Variants in LIN28B observed in about 807,000 individuals in gnomAD.
LIN28B encodes the protein lin-28 RNA binding posttranscriptional regulator B.
Under a neutral mutation model 21.9 loss-of-function variants are expected in LIN28B, and 5 were observed. The observed-to-expected ratio is 0.23, with a 90% CI of 0.12 to 0.48. LIN28B has a LOEUF of 0.48. Ranked by LOEUF, LIN28B falls within the 20% of genes least tolerant of loss-of-function variation. LIN28B has a pLI of 0.98. For synonymous variants in LIN28B, 109 were observed against 111.3 expected (o/e 0.98, Z 0.13); for missense variants, 245 against 310.5 (o/e 0.79, Z 1.58).
rs1772501671 is a variant in LIN28B at position 105,079,616 on chromosome 6, A to AT, written c.*837dup. 6.6e-6 allele frequency: 1 copy of AT among 152,600 alleles called. No homozygotes were observed. The highest frequency in any genetic ancestry group is 1.5e-5 in the Non-Finnish European group (1 of 68,044). 9.5% of individuals were successfully genotyped at this position (152,600 alleles called of 1,614,324 possible). On this transcript the variant is annotated 3_prime_UTR_variant, in exon 4 of 4. Coordinates refer to ENST00000345080, the MANE Select transcript of LIN28B (RefSeq NM_001004317.4). ...ATCTTAGTGGCTTGTTTTCAGTAGT[A>AT]TTTTAATATCAGCTTCTTGTAACCT... is the stretch of plus-strand genomic sequence containing the variant.
chr6:105,080,657 A>AAG lies in LIN28B; in HGVS notation c.*1874_*1875insAG, dbSNP rs1772527765. ...CTGTAGAGAAGTACTTCCTTGCCTT[A>AAG]TGTGAGGATTTCAAACTTATTTAAA... On this transcript the variant is annotated 3_prime_UTR_variant, in exon 4 of 4. Coordinates refer to ENST00000345080, the MANE Select transcript of LIN28B (RefSeq NM_001004317.4). 6.6e-6 allele frequency: 1 copy of AAG among 152,652 alleles called. No homozygotes were observed. The allele number at this position is 152,652 out of a possible 1,614,324, so 9.5% of individuals were successfully genotyped here. A position where few individuals can be genotyped will look rare whatever the true frequency, so the allele number is the denominator to read the frequency against.
chr6:105,040,456 GA>G lies in LIN28B; in HGVS notation c.383+13979del, dbSNP rs1386460464. 3.3e-5 allele frequency among the ~76,000 whole-genome samples: 5 copies of G among 151,942 alleles called. No individual in the cohort carries two copies. In the East Asian group the frequency reaches 7.7e-4, roughly 24 times the overall value. ...AAATAATAGATTTCTTCTTTCATGG[GA>G]AAAACATCACAACTTGTGTTTATAT... On this transcript the variant is annotated intron_variant, in intron 3 of 3. Coordinates refer to ENST00000345080, the MANE Select transcript of LIN28B (RefSeq NM_001004317.4).
At chr6:105,025,322 T>C (rs1771265870) in intron 2 of LIN28B, among the ~76,000 whole-genome samples, 1 of 152,152 alleles carries the variant, frequency 6.6e-6, no homozygotes, top group Non-Finnish European at 1.5e-5. Flanking sequence ...AAACTACTGA[T>C]TGAATTATTT....
intron 3 of LIN28B, among the ~76,000 whole-genome samples, chr6:105,032,719 CAA>C (rs113074142): frequency 7.0e-6 from 1 of 142,460 alleles, no homozygotes; most frequent in Non-Finnish European, 1.5e-5. Flanking sequence ...GACCCTGCCT[CAA>C]AAAAAAAAAA....
At chr6:104,939,739 T>C (rs956073539) in intron 2 of LIN28B, among the ~76,000 whole-genome samples, 3 of 152,258 alleles carry the variant, frequency 2.0e-5, no homozygotes, top group Non-Finnish European at 2.9e-5. Context: ...TTTTAAATTT[T>C]TGAACAAATT....
At chr6:105,035,790 G>A (rs1771509510) in intron 3 of LIN28B, among the ~76,000 whole-genome samples, 1 of 152,024 alleles carries the variant, frequency 6.6e-6, no homozygotes, top group African/African-American at 2.4e-5. Flanking sequence ...ATACATTTTA[G>A]TCTTGTATGC....
rs1383289066 is a variant in LIN28B at position 105,079,667 on chromosome 6, G to A, written c.*884G>A. 6.6e-6 allele frequency: 1 copy of A among 152,514 alleles called. No individual in the cohort carries two copies. Among genetic ancestry groups the A allele is most frequent in the African/African-American group, 2.4e-5 (1 of 41,430 alleles). 9.4% of individuals were successfully genotyped at this position (152,514 alleles called of 1,614,324 possible). A position where few individuals can be genotyped will look rare whatever the true frequency, so the allele number is the denominator to read the frequency against. ...TTTCCATGTTGTGAGGGTTGTAAGG[G>A]ATTGTGTGGCAACAGCAGCTTCCCT... On this transcript the variant is annotated 3_prime_UTR_variant, in exon 4 of 4. Coordinates refer to ENST00000345080, the MANE Select transcript of LIN28B (RefSeq NM_001004317.4).
chr6:104,943,381 CAT>C (rs1275294573), intron 2 of LIN28B, among the ~76,000 whole-genome samples: 1 of 151,976 alleles, frequency 6.6e-6, no homozygotes, highest in Non-Finnish European at 1.5e-5. Context: ...TTAAATAAAA[CAT>C]GTATGAATAA....
At chr6:104,983,385 G>T (rs1464024026) in intron 2 of LIN28B, among the ~76,000 whole-genome samples, 1 of 152,346 alleles carries the variant, frequency 6.6e-6, no homozygotes, top group African/African-American at 2.4e-5. Context: ...AATGATAAAT[G>T]ATAGACATTC....
chr6:104,957,382 C>T, intron 1 of LIN28B, 122 bp downstream of exon 1: 1 of 562,556 alleles, frequency 1.8e-6, no homozygotes, highest in South Asian at 2.0e-5. Context: ...CTGGGCATTA[C>T]CTCCCAACCC....
rs1253189995 is a variant in LIN28B at position 105,043,367 on chromosome 6, A to G, written c.383+16885A>G. On this transcript the variant is annotated intron_variant, in intron 3 of 3. Transcript: ENST00000345080. ...AAAAAAAAAAAAAAAAAAAAAAAAA[A>G]AAAAAGAAAACTAAAACTATACAAA... is the stretch of plus-strand genomic sequence containing the variant. 7.8e-5 allele frequency among the ~76,000 whole-genome samples: 11 copies of G among 140,874 alleles called. No individual in the cohort carries two copies. The East Asian group carries it at 2.0e-3, about 26-fold the overall frequency. 92.4% of individuals were successfully genotyped at this position (140,874 alleles called of 152,430 possible).
intron 3 of LIN28B, among the ~76,000 whole-genome samples, chr6:105,076,648 G>A (rs898320334): frequency 1.3e-4 from 19 of 151,778 alleles, no homozygotes; most frequent in Admixed American, 4.6e-4. Flanking sequence ...TCACTCTGTC[G>A]CCAGGCTGGA....
At chr6:105,040,317 T>C (rs1771606824) in intron 3 of LIN28B, among the ~76,000 whole-genome samples, 1 of 152,038 alleles carries the variant, frequency 6.6e-6, no homozygotes, top group Non-Finnish European at 1.5e-5. Flanking sequence ...TCTTTAAGTT[T>C]TATTAAATTT....
exon 2 of LIN28B, chr6:104,937,027 G>A (rs1778016298): frequency 6.6e-6 from 1 of 152,088 alleles, no homozygotes; most frequent in Non-Finnish European, 1.5e-5. Flanking sequence ...ATTTTCCACA[G>A]GCTGGTGTTG....
At chr6:105,025,665 T>A (rs1771273015) in intron 2 of LIN28B, among the ~76,000 whole-genome samples, 1 of 152,158 alleles carries the variant, frequency 6.6e-6, no homozygotes, top group Admixed American at 6.6e-5. Flanking sequence ...GCCTGTTATC[T>A]CAGCTACTCA....
At chr6:105,035,410 T>C (rs1771502926) in intron 3 of LIN28B, among the ~76,000 whole-genome samples, 1 of 152,092 alleles carries the variant, frequency 6.6e-6, no homozygotes, top group African/African-American at 2.4e-5. Context: ...CAGGCATGAA[T>C]TGATAGTCTA....
At chr6:104,974,201 C>A (rs968659667) in intron 2 of LIN28B, among the ~76,000 whole-genome samples, 6 of 151,906 alleles carry the variant, frequency 3.9e-5, no homozygotes, top group African/African-American at 1.5e-4. Context: ...TAAAAAAATG[C>A]AGATTCAGGT....
At chr6:105,047,079 T>A (rs1582917026) in intron 3 of LIN28B, among the ~76,000 whole-genome samples, 1 of 152,224 alleles carries the variant, frequency 6.6e-6, no homozygotes, top group Non-Finnish European at 1.5e-5. Context: ...GTTTTAGACA[T>A]GAAGTTCTTG....
chr6:104,950,572 C>A (rs771988580), intron 3 of LIN28B: 7 of 980,688 alleles, frequency 7.1e-6, no homozygotes, highest in Non-Finnish European at 9.2e-6. Flanking sequence ...ATCAAGATCG[C>A]TAGAGGCATA....
Sources: gnomAD v4.1 joint callset for allele counts (sites outside exome capture counted in the v4.1 genomes callset) on GRCh38, gnomAD v4.1.1 for gene constraint, MANE v1.5 for transcripts, NCBI Gene and HGNC (gene_info 2026-07-23, HGNC 2026-07-21) for gene names.